XPR1: variants seen among roughly 807,000 people sequenced by gnomAD.
The protein encoded by XPR1 is xenotropic and polytropic retrovirus receptor 1, also known as solute carrier family 53 member 1.
Under a neutral mutation model 87.5 loss-of-function variants are expected in XPR1, and 28 were observed. That is an observed-to-expected ratio of 0.32 (90% CI 0.24 to 0.44). The LOEUF (loss-of-function observed/expected upper bound fraction) is 0.44, where lower values mean the gene tolerates loss of function less well. Among genes scored for constraint, XPR1 ranks in the 20% least tolerant of loss-of-function variants. XPR1 has a pLI of 1.00. For missense variants in XPR1, 559 were observed against 862.3 expected (o/e 0.65, Z 4.41); for synonymous variants, 300 against 306.1 (o/e 0.98, Z 0.21).
At chr1:180,719,825 T>G (rs1487380698) in intron 2 of XPR1, among the ~76,000 whole-genome samples, 1 of 152,192 alleles carries the variant, frequency 6.6e-6, no homozygotes, top group East Asian at 1.9e-4. Flanking sequence ...CATAAACTGT[T>G]CAGTCATTTC....
chr1:180,882,148 G>T (rs1052228012), intron 14 of XPR1, among the ~76,000 whole-genome samples: 3 of 152,140 alleles, frequency 2.0e-5, no homozygotes, highest in Non-Finnish European at 2.9e-5. Flanking sequence ...TAAAGAAGGG[G>T]CTCTTTGGCA....
rs375755398 is a variant in XPR1, at chr1:180,739,090, T to C, written c.122-48663T>C. On this transcript the variant is annotated intron_variant, in intron 2 of 14. Transcript: ENST00000367590. Reference sequence around the variant, plus strand: ...TTAGACCAGTTCATTTTCTTAGATATGGACATCCAGTTGTTATAACATAAT... The same window carrying C: ...TTAGACCAGTTCATTTTCTTAGATACGGACATCCAGTTGTTATAACATAAT... Among the ~76,000 whole-genome samples the C allele has an allele frequency of 6.2e-4, 94 of 152,186 alleles. No homozygotes were observed. The South Asian group carries it at 0.013, about 22-fold the overall frequency.
At chr1:180,710,342 C>T (rs1657719370) in intron 2 of XPR1, among the ~76,000 whole-genome samples, 2 of 151,836 alleles carry the variant, frequency 1.3e-5, no homozygotes, top group Admixed American at 6.6e-5. Flanking sequence ...GGCAGAGGAC[C>T]CTGGGGCCTT....
At chr1:180,716,809 T>G (rs1290290253) in intron 2 of XPR1, among the ~76,000 whole-genome samples, 1 of 152,196 alleles carries the variant, frequency 6.6e-6, no homozygotes, top group Non-Finnish European at 1.5e-5. Context: ...AACAAATGAC[T>G]TAGGTATATT....
intron 14 of XPR1, among the ~76,000 whole-genome samples, chr1:180,882,399 G>C (rs1652874047): frequency 6.6e-6 from 1 of 152,092 alleles, no homozygotes; most frequent in African/African-American, 2.4e-5. Flanking sequence ...CGTTGCCCAG[G>C]TTGGCTCAAT....
intron 12 of XPR1, among the ~76,000 whole-genome samples, chr1:180,865,576 A>T (rs1652362403): frequency 1.3e-5 from 2 of 151,940 alleles, no homozygotes; most frequent in African/African-American, 4.8e-5. Flanking sequence ...AATTTTTTGT[A>T]GTTTTAGTAG....
intron 4 of XPR1, among the ~76,000 whole-genome samples, chr1:180,804,367 CA>C (rs1651652292): frequency 6.6e-6 from 1 of 152,222 alleles, no homozygotes; most frequent in Non-Finnish European, 1.5e-5. Flanking sequence ...ACTAATAAAA[CA>C]AAGACCCTGA....
intron 2 of XPR1, among the ~76,000 whole-genome samples, chr1:180,762,014 C>T (rs565886332): frequency 7.7e-4 from 117 of 151,316 alleles, no homozygotes; most frequent in Non-Finnish European, 1.6e-3. Context: ...AGCAAACTAT[C>T]GCAAGGACAA....
intron 2 of XPR1, among the ~76,000 whole-genome samples, chr1:180,727,132 G>A (rs1352297771): frequency 6.6e-6 from 1 of 151,874 alleles, no homozygotes; most frequent in African/African-American, 2.4e-5. Flanking sequence ...CAAAGTGCTG[G>A]GATTACAGGC....
chr1:180,806,363 A>T, intron 5 of XPR1, 111 bp from the exon 6 acceptor site: 2 of 1,465,720 alleles, frequency 1.4e-6, no homozygotes, highest in Admixed American at 4.1e-5. Context: ...TTATCAGTAT[A>T]TATTCACCAA....
At chr1:180,656,765 A>G (rs1655547453) in intron 1 of XPR1, among the ~76,000 whole-genome samples, 1 of 144,632 alleles carries the variant, frequency 6.9e-6, no homozygotes, top group Non-Finnish European at 1.5e-5. Flanking sequence ...GTTGCTTCCA[A>G]ATCTTGGCTA....
chr1:180,754,487 G>T (rs1376521288), intron 2 of XPR1, among the ~76,000 whole-genome samples: 5 of 151,788 alleles, frequency 3.3e-5, no homozygotes, highest in Non-Finnish European at 5.9e-5. Flanking sequence ...TTGAGACAGG[G>T]TCTCCCTGTA....
chr1:180,693,543 A>G (rs1232346801), intron 2 of XPR1, among the ~76,000 whole-genome samples: 1 of 152,258 alleles, frequency 6.6e-6, no homozygotes, highest in Non-Finnish European at 1.5e-5. Context: ...TAAAAACCAC[A>G]GACCTGGTGG....
chr1:180,645,513 A>T (rs1229676624), intron 1 of XPR1, among the ~76,000 whole-genome samples: 1 of 152,210 alleles, frequency 6.6e-6, no homozygotes, highest in Non-Finnish European at 1.5e-5. Flanking sequence ...AATGTGTCAC[A>T]CAAGTTAAGT....
intron 2 of XPR1, among the ~76,000 whole-genome samples, chr1:180,761,041 G>A (rs1413732711): frequency 6.6e-6 from 1 of 152,270 alleles, no homozygotes; most frequent in Non-Finnish European, 1.5e-5. Flanking sequence ...AATAAATGGT[G>A]CTGGGAAAAC....
intron 3 of XPR1, among the ~76,000 whole-genome samples, chr1:180,790,542 A>G (rs547037445): frequency 6.6e-6 from 1 of 152,196 alleles, no homozygotes; most frequent in Non-Finnish European, 1.5e-5. Context: ...GACAAAATAT[A>G]CATTTTCTTT....
chr1:180,861,211 A>G (rs1412491851), intron 11 of XPR1, among the ~76,000 whole-genome samples: 5 of 152,160 alleles, frequency 3.3e-5, no homozygotes, highest in East Asian at 1.9e-4. Context: ...AAATGAGACA[A>G]TATTTGTAAA....
intron 2 of XPR1, among the ~76,000 whole-genome samples, chr1:180,687,040 G>T (rs529258627): frequency 2.3e-4 from 35 of 151,980 alleles, no homozygotes; most frequent in Non-Finnish European, 4.7e-4. Flanking sequence ...TTTTCTGTTG[G>T]GTTATCTTTT....
intron 3 of XPR1, among the ~76,000 whole-genome samples, chr1:180,792,688 C>A (rs1444108898): frequency 1.3e-5 from 2 of 152,060 alleles, no homozygotes; most frequent in Non-Finnish European, 2.9e-5. Flanking sequence ...AAAAACATTG[C>A]TAATCCCTAA....
Sources: allele counts gnomAD v4.1 joint callset (sites outside exome capture counted in the v4.1 genomes callset), GRCh38; gene constraint gnomAD v4.1.1; transcripts MANE v1.5; gene names NCBI Gene and HGNC (gene_info 2026-07-23, HGNC 2026-07-21).